Variants in OSBPL3 observed in about 807,000 individuals in gnomAD.
OSBPL3 encodes oxysterol binding protein like 3.
OSBPL3 carries 65 observed loss-of-function variants against 120.1 expected under a neutral mutation model. The ratio of observed to expected loss-of-function variants is 0.54; its 90% CI spans 0.44 to 0.67. The LOEUF is 0.67. OSBPL3 is among the 30% of genes least tolerant of loss of function. The probability of loss-of-function intolerance (pLI) is 0.00; values close to 1 mark genes in which losing one functional copy is unlikely to be tolerated. For missense variants in OSBPL3, 1,004 were observed against 1,082.1 expected, an observed-to-expected ratio of 0.93 and a Z score of 1.01; for synonymous variants, 416 against 402.6, an observed-to-expected ratio of 1.03 and a Z score of -0.40.
chr7:24,838,679 C>G (rs1251836504), intron 14 of OSBPL3, among the ~76,000 whole-genome samples: 1 of 152,190 alleles, frequency 6.6e-6, no homozygotes, highest in Admixed American at 6.5e-5. Flanking sequence ...CTTTGTGCTT[C>G]CTATGGCTCC....
At chr7:24,856,921 G>C (rs1799908972) in intron 10 of OSBPL3, among the ~76,000 whole-genome samples, 1 of 152,114 alleles carries the variant, frequency 6.6e-6, no homozygotes, top group African/African-American at 2.4e-5. Context: ...CATCCAAATT[G>C]ATTTAGATAC....
rs1310098439 is a variant in OSBPL3 at position 24,820,108 on chromosome 7, T to A, written c.1948+67A>T. 8.4e-7 allele frequency: 1 copy of A among 1,193,524 alleles called. No individual in the cohort carries two copies. Among genetic ancestry groups the A allele is most frequent in the Non-Finnish European group, 1.2e-6 (1 of 818,076 alleles). 73.9% of individuals were successfully genotyped at this position (1,193,524 alleles called of 1,614,324 possible). A position where few individuals can be genotyped will look rare whatever the true frequency, so the allele number is the denominator to read the frequency against. On this transcript the variant is annotated intron_variant, in intron 17 of 22. Transcript: ENST00000313367. This position sits in a 1 kb window ranked among gnomAD's most constrained non-coding sequence, Gnocchi z 4.6. ...GATCTCAGTAAGAATTGACAGCAAT[T>A]CTTGGATAAAATAAATAGATAACAT...
In OSBPL3 at chr7:24,851,393, C is replaced by G. The variant is rs1799135530; in HGVS notation, c.1158+1111G>C. On this transcript the variant is annotated intron_variant, in intron 11 of 22. Transcript: ENST00000313367. This position sits in a 1 kb window ranked among gnomAD's most constrained non-coding sequence, Gnocchi z 4.1. Reference sequence around the variant, plus strand: ...TTGTAATGGTCCATCAGTGAATACTCCTTACATATTCTACAACAACTATAT... The same window carrying G: ...TTGTAATGGTCCATCAGTGAATACTGCTTACATATTCTACAACAACTATAT... 6.6e-6 allele frequency among the ~76,000 whole-genome samples: 1 copy of G among 152,164 alleles called. No individual in the cohort carries two copies.
At chr7:24,865,508 GC>G in intron 6 of OSBPL3, 43 bp from the exon 7 acceptor site, 1 of 1,598,782 alleles carries the variant, frequency 6.3e-7, no homozygotes, top group Non-Finnish European at 8.5e-7. Context: ...TGGAAACAGA[GC>G]CCATTGGGGA....
In OSBPL3 at chr7:24,928,471, A is replaced by G. The variant is rs548657153; in HGVS notation, c.-149-35850T>C. Among the ~76,000 whole-genome samples the G allele has an allele frequency of 2.1e-3, 315 of 152,280 alleles. 1 individual carries two copies. The highest frequency in any genetic ancestry group is 4.1e-3 in the South Asian group (20 of 4,820). ...CTCCCAAAGTGCTAGGATTACAGGC[A>G]TCAGCCACCGTGCCCGGCCACCTCT... On this transcript the variant is annotated intron_variant, in intron 1 of 22. Coordinates refer to ENST00000313367, the MANE Select transcript of OSBPL3 (RefSeq NM_015550.4).
At position 24,900,610 on chromosome 7, in the gene OSBPL3, TCTCCA is replaced by T. The variant is rs1806843713; in HGVS notation, c.-149-7994_-149-7990del. ...AAGTACCAGACACATGTGCTTCCAG[TCTCCA>T]CTCCCAAGCTTTGTCATCATGGCAA... is the stretch of plus-strand genomic sequence containing the variant. On this transcript the variant is annotated intron_variant, in intron 1 of 22. Transcript: ENST00000313367. This position sits in a 1 kb window ranked among gnomAD's most constrained non-coding sequence, Gnocchi z 4.5. Among the ~76,000 whole-genome samples, 1 of 152,146 alleles carries T rather than the reference TCTCCA, an allele frequency of 6.6e-6. No homozygotes were observed. The highest frequency in any genetic ancestry group is 1.5e-5 in the Non-Finnish European group (1 of 68,022).
chr7:24,839,991 CAAAAAAAAAAAAA>C (rs71675250), intron 14 of OSBPL3, among the ~76,000 whole-genome samples: 3 of 53,302 alleles, frequency 5.6e-5, no homozygotes, highest in East Asian at 1.1e-3. Flanking sequence ...CTCCATCTCA[CAAAAAAAAAAAAA>C]AAAAAAAAAA....
intron 12 of OSBPL3, among the ~76,000 whole-genome samples, chr7:24,846,553 G>C (rs1262083832): frequency 6.6e-6 from 1 of 152,200 alleles, no homozygotes; most frequent in Non-Finnish European, 1.5e-5. Context: ...ATTGGATGTA[G>C]TATGGTGTTA....
At chr7:24,907,126 T>A (rs1808058271) in intron 1 of OSBPL3, among the ~76,000 whole-genome samples, 2 of 152,142 alleles carry the variant, frequency 1.3e-5, no homozygotes, top group South Asian at 4.1e-4. Flanking sequence ...TTTATATTCT[T>A]CTATTCTCAA....
rs981550694 is a variant in OSBPL3, at chr7:24,932,676, T to C, written c.-149-40055A>G. Among the ~76,000 whole-genome samples, 2 of 152,254 alleles carry C rather than the reference T, an allele frequency of 1.3e-5. No homozygotes were observed. The highest frequency in any genetic ancestry group is 2.4e-5 in the African/African-American group (1 of 41,556). The stretch of plus-strand genomic sequence containing the variant: ...GAGCCTCCCAAGACACCAAATCCAA[T>C]AGTACTTCGATCTTGCATTTTCCAG... On this transcript the variant is annotated intron_variant, in intron 1 of 22. Coordinates refer to ENST00000313367, the MANE Select transcript of OSBPL3 (RefSeq NM_015550.4). This position sits in a 1 kb window ranked among gnomAD's most constrained non-coding sequence, Gnocchi z 5.6.
In OSBPL3 at chr7:24,797,935, A is replaced by G. The variant is rs1232900277; in HGVS notation, c.*2248T>C. Reference sequence around the variant, plus strand: ...GAAAGATGCTTTTGAGAAAAGGGACAGAAGGAGAAAAGAAGTCATTTCCCC... The same window carrying G: ...GAAAGATGCTTTTGAGAAAAGGGACGGAAGGAGAAAAGAAGTCATTTCCCC... On this transcript the variant is annotated 3_prime_UTR_variant, in exon 23 of 23. Coordinates refer to ENST00000313367, the MANE Select transcript of OSBPL3 (RefSeq NM_015550.4). The surrounding 1 kb of genome is among the most constrained non-coding windows in gnomAD (Gnocchi z 4.8). The G allele has an allele frequency of 1.3e-5, 2 of 152,220 alleles. No individual in the cohort carries two copies. The highest frequency in any genetic ancestry group is 4.8e-5 in the African/African-American group (2 of 41,448). The allele number at this position is 152,220 out of a possible 1,614,324, so 9.4% of individuals were successfully genotyped here.
In OSBPL3 at chr7:24,947,772, A is replaced by G. The variant is rs1410374311; in HGVS notation, c.-150+32114T>C. Among the ~76,000 whole-genome samples, 3 of 116,108 alleles carry G rather than the reference A, an allele frequency of 2.6e-5. No individual in the cohort carries two copies. Among genetic ancestry groups the G allele is most frequent in the Non-Finnish European group, 3.6e-5 (2 of 56,062 alleles). 76.2% of individuals were successfully genotyped at this position (116,108 alleles called of 152,430 possible). On this transcript the variant is annotated intron_variant, in intron 1 of 22. Coordinates refer to ENST00000313367, the MANE Select transcript of OSBPL3 (RefSeq NM_015550.4). This position sits in a 1 kb window ranked among gnomAD's most constrained non-coding sequence, Gnocchi z 4.4. Reference sequence around the variant, plus strand: ...GTATATATGTATACATACATATCCAATTAAATCACACACACACACACACAC... The same window carrying G: ...GTATATATGTATACATACATATCCAGTTAAATCACACACACACACACACAC...
intron 19 of OSBPL3, chr7:24,810,165 G>A (rs543350572): frequency 3.2e-4 from 166 of 517,832 alleles, no homozygotes; most frequent in African/African-American, 2.8e-3. Context: ...TGTATACATT[G>A]TGGAATGGCT....
intron 1 of OSBPL3, among the ~76,000 whole-genome samples, chr7:24,926,719 C>T (rs981509506): frequency 1.3e-5 from 2 of 152,302 alleles, no homozygotes; most frequent in Non-Finnish European, 2.9e-5. Flanking sequence ...CCAGGCTGCC[C>T]TTGCATATAC....
chr7:24,814,500 T>G (rs911248116), intron 19 of OSBPL3, among the ~76,000 whole-genome samples: 1 of 152,030 alleles, frequency 6.6e-6, no homozygotes, highest in Non-Finnish European at 1.5e-5. Flanking sequence ...TAATGTAACA[T>G]TGACCATTTT....
rs116170964 is a variant in OSBPL3, at chr7:24,825,021, T to C, written c.1885-4783A>G. 5.3e-3 allele frequency among the ~76,000 whole-genome samples: 800 copies of C among 152,232 alleles called. 5 individuals are homozygous for C. Among genetic ancestry groups the C allele is most frequent in the African/African-American group, 0.019 (773 of 41,516 alleles). On this transcript the variant is annotated intron_variant, in intron 16 of 22. Coordinates refer to ENST00000313367, the MANE Select transcript of OSBPL3 (RefSeq NM_015550.4). ...GGAGGTGGGGTAAGTAGGAGAAGTG[T>C]CTGAGGGTGAGATTTTCGAGGGCGT...
rs1316380540 is a variant in OSBPL3 at position 24,805,848 on chromosome 7, C to T, written c.2444+928G>A. On this transcript the variant is annotated intron_variant, in intron 21 of 22. Coordinates refer to ENST00000313367, the MANE Select transcript of OSBPL3 (RefSeq NM_015550.4). This position sits in a 1 kb window ranked among gnomAD's most constrained non-coding sequence, Gnocchi z 4.0. ...AATGGGTTGATCTGTTACTAGATTTCTAGAGGCAATTCATGACATGAGTTG... is the reference window on the plus strand; with the variant it reads ...AATGGGTTGATCTGTTACTAGATTTTTAGAGGCAATTCATGACATGAGTTG... Among the ~76,000 whole-genome samples, 2 of 152,152 alleles carry T rather than the reference C, an allele frequency of 1.3e-5. No individual in the cohort carries two copies. The highest frequency in any genetic ancestry group is 1.5e-5 in the Non-Finnish European group (1 of 68,038).
chr7:24,926,363 C>T (rs1309586042), intron 1 of OSBPL3, among the ~76,000 whole-genome samples: 1 of 152,200 alleles, frequency 6.6e-6, no homozygotes, highest in Admixed American at 6.5e-5. Context: ...ATGCTCAGGA[C>T]ATGCTCTACC....
In OSBPL3 at chr7:24,937,911, A is replaced by G. The variant is rs1425486307; in HGVS notation, c.-150+41975T>C. 1.3e-5 allele frequency among the ~76,000 whole-genome samples: 2 copies of G among 152,244 alleles called. No homozygotes were observed. Among genetic ancestry groups the G allele is most frequent in the Admixed American group, 6.5e-5 (1 of 15,288 alleles). On this transcript the variant is annotated intron_variant, in intron 1 of 22. Coordinates refer to ENST00000313367, the MANE Select transcript of OSBPL3 (RefSeq NM_015550.4). This position sits in a 1 kb window ranked among gnomAD's most constrained non-coding sequence, Gnocchi z 4.0. ...CTTCCAGAATCGAAAGGTATTTCCAAAGTATAATCCATGAATTAGGATGTG... is the reference window on the plus strand; with the variant it reads ...CTTCCAGAATCGAAAGGTATTTCCAGAGTATAATCCATGAATTAGGATGTG...
Sources: allele counts gnomAD v4.1 joint callset (sites outside exome capture counted in the v4.1 genomes callset), GRCh38; gene constraint gnomAD v4.1.1; non-coding constraint Gnocchi (gnomAD v3.1); transcripts MANE v1.5; gene names NCBI Gene and HGNC (gene_info 2026-07-23, HGNC 2026-07-21).